Variants in FDFT1 observed in about 807,000 individuals in gnomAD.
The protein encoded by FDFT1 is farnesyl-diphosphate farnesyltransferase 1, also known as squalene synthase.
A neutral mutation model predicts 46.8 loss-of-function variants in FDFT1; 68 were observed. The ratio of observed to expected loss-of-function variants is 1.45; its 90% confidence interval spans 1.19 to 1.78. The LOEUF (loss-of-function observed/expected upper bound fraction) is 1.78. Among genes scored for constraint, FDFT1 ranks in the 40% most tolerant of loss-of-function variants. The probability of loss-of-function intolerance (pLI) is 0.00; values close to 1 mark genes in which losing one functional copy is unlikely to be tolerated. For missense variants in FDFT1, 928 were observed against 524.4 expected (o/e 1.77, Z -7.52); for synonymous variants, 351 against 185.1 (o/e 1.90, Z -7.28).
chr8:11,835,112 A>T (rs532816657), intron 7 of FDFT1, among the ~76,000 whole-genome samples: 5 of 152,338 alleles, frequency 3.3e-5, no homozygotes, highest in Admixed American at 3.3e-4. Context: ...CAACAGGGTG[A>T]AGGCCCTTTC....
intron 7 of FDFT1, among the ~76,000 whole-genome samples, chr8:11,836,276 C>T (rs189291828): frequency 9.8e-5 from 15 of 152,288 alleles, no homozygotes; most frequent in Admixed American, 5.2e-4. Flanking sequence ...AGGTCATTTA[C>T]AAGAGTAGTG....
chr8:11,805,691 A>G (rs979724532), intron 1 of FDFT1, among the ~76,000 whole-genome samples: 4 of 152,252 alleles, frequency 2.6e-5, no homozygotes, highest in African/African-American at 4.8e-5. Flanking sequence ...CTTGGCAGCA[A>G]AACCTGACTT....
At chr8:11,810,130 G>T (rs193057964) in intron 3 of FDFT1, among the ~76,000 whole-genome samples, 1 of 152,242 alleles carries the variant, frequency 6.6e-6, no homozygotes, top group East Asian at 1.9e-4. Context: ...CTACCTCATG[G>T]TATTCTGAGG....
chr8:11,827,546 A>G (rs993376653), intron 5 of FDFT1, among the ~76,000 whole-genome samples: 6 of 152,084 alleles, frequency 3.9e-5, no homozygotes, highest in Non-Finnish European at 7.4e-5. Context: ...GAGGGAAACA[A>G]TATTTGCAAT....
chr8:11,838,632 A>C lies in FDFT1; in HGVS notation c.*23A>C, dbSNP rs1811899420. ...TGATCCCAAATTTGTCCATAGCTGA[A>C]GTCCACCATAAAGTGGATTTACTTT... On this transcript the variant is annotated 3_prime_UTR_variant, in exon 8 of 8. Coordinates refer to ENST00000220584, the MANE Select transcript of FDFT1 (RefSeq NM_004462.5). 3.9e-6 allele frequency: 6 copies of C among 1,551,464 alleles called. No homozygotes were observed. The highest frequency in any genetic ancestry group is 2.7e-5 in the African/African-American group (2 of 73,736).
Position 11,836,152 on chromosome 8 carries a change from T to TAA in FDFT1, c.1033-2222_1033-2221dup, listed in dbSNP as rs34824501. Among the ~76,000 whole-genome samples the TAA allele has an allele frequency of 7.7e-3, 1,109 of 143,610 alleles. 12 individuals are homozygous for TAA. The highest frequency in any genetic ancestry group is 0.019 in the South Asian group (87 of 4,472). The allele number at this position is 143,610 out of a possible 152,430, so 94.2% of individuals were successfully genotyped here. On this transcript the variant is annotated intron_variant, in intron 7 of 7. Coordinates refer to ENST00000220584, the MANE Select transcript of FDFT1 (RefSeq NM_004462.5). ...TGGGTGACAGAGCGAGACACCATCT[T>TAA]AAAAAAAAAAAAAAATCTACAATAT...
At chr8:11,830,144 C>T (rs1046204412) in intron 5 of FDFT1, 100 bp from the exon 6 acceptor site, 1 of 1,008,060 alleles carries the variant, frequency 9.9e-7, no homozygotes, top group Non-Finnish European at 1.6e-6. Flanking sequence ...CGGCGCCCAG[C>T]CTGTATCATA....
intron 1 of FDFT1, chr8:11,796,079 T>C (rs930975797): frequency 3.3e-5 from 5 of 152,218 alleles, no homozygotes; most frequent in Non-Finnish European, 5.9e-5. Context: ...ACGGGGGATT[T>C]AACATAGATT....
chr8:11,835,127 ACCC>A (rs1563345434), intron 7 of FDFT1, among the ~76,000 whole-genome samples: 1 of 152,074 alleles, frequency 6.6e-6, no homozygotes, highest in Non-Finnish European at 1.5e-5. Flanking sequence ...CCTTTCTCAA[ACCC>A]CTCAAGTATT....
chr8:11,810,419 G>A (rs1357085082), intron 3 of FDFT1, among the ~76,000 whole-genome samples: 1 of 152,186 alleles, frequency 6.6e-6, no homozygotes, highest in Non-Finnish European at 1.5e-5. Flanking sequence ...GCTAGGGCGA[G>A]CCTCTGCCAC....
rs185038973 is a variant in FDFT1 at position 11,803,329 on chromosome 8, C to A, written c.99+398C>A. On this transcript the variant is annotated intron_variant, in intron 1 of 7. Coordinates refer to ENST00000220584, the MANE Select transcript of FDFT1 (RefSeq NM_004462.5). The stretch of plus-strand genomic sequence containing the variant: ...GCGGAATGAACTATGCAGATAACAT[C>A]ACATGAAGGCCGTTTCTGGAATGAA... The A allele has an allele frequency of 3.9e-6, 5 of 1,294,444 alleles. No individual in the cohort carries two copies. The Admixed American group carries it at 1.1e-4, about 30-fold the overall frequency. 80.2% of individuals were successfully genotyped at this position (1,294,444 alleles called of 1,614,324 possible).
intron 7 of FDFT1, among the ~76,000 whole-genome samples, chr8:11,834,405 AAAGTGAATTCCTTGGC>A (rs1811262563): frequency 2.6e-5 from 4 of 152,230 alleles, no homozygotes; most frequent in African/African-American, 9.6e-5. Context: ...CCTCTCTGCC[AAAGTGAATTCCTTGGC>A]AGGGAGAATC....
chr8:11,838,027 G>A (rs1009349629), intron 7 of FDFT1, among the ~76,000 whole-genome samples: 2 of 152,052 alleles, frequency 1.3e-5, no homozygotes, highest in African/African-American at 4.8e-5. Context: ...TTTCCCTTTC[G>A]TCATGTTAGT....
upstream of FDFT1, chr8:11,801,957 G>A (rs1013195626): frequency 6.6e-6 from 3 of 455,472 alleles, no homozygotes; most frequent in African/African-American, 4.0e-5. Flanking sequence ...CCAAAGTGTT[G>A]CGATTACAGG....
intron 5 of FDFT1, among the ~76,000 whole-genome samples, chr8:11,829,866 G>T (rs565601502): frequency 6.7e-5 from 10 of 150,062 alleles, no homozygotes; most frequent in Non-Finnish European, 1.2e-4. Context: ...TTTTGTTTTT[G>T]TGACGGAGTC....
intron 7 of FDFT1, among the ~76,000 whole-genome samples, chr8:11,835,775 G>A (rs1188394661): frequency 2.0e-5 from 3 of 152,096 alleles, no homozygotes; most frequent in Non-Finnish European, 2.9e-5. Flanking sequence ...TGGTGCTGAT[G>A]TTATCATCCT....
At chr8:11,835,269 A>G (rs932444623) in intron 7 of FDFT1, among the ~76,000 whole-genome samples, 4 of 152,180 alleles carry the variant, frequency 2.6e-5, no homozygotes, top group African/African-American at 9.7e-5. Flanking sequence ...GCAGAAACCT[A>G]CTGTGTGCCT....
rs192937472 is a variant in FDFT1, at chr8:11,827,428, G to C, written c.702+1213G>C. On this transcript the variant is annotated intron_variant, in intron 5 of 7. Coordinates refer to ENST00000220584, the MANE Select transcript of FDFT1 (RefSeq NM_004462.5). ...AGGTATTCGGGAGGCTAAGGCACAA[G>C]GATCCCTTGAGCGCAGGAGCTCAAG... Among the ~76,000 whole-genome samples, 58 of 152,000 alleles carry C rather than the reference G, an allele frequency of 3.8e-4. 2 individuals carry two copies. The highest frequency in any genetic ancestry group is 3.1e-3 in the Admixed American group (48 of 15,274).
chr8:11,817,305 A>G (rs945158125), intron 3 of FDFT1, among the ~76,000 whole-genome samples: 1 of 152,250 alleles, frequency 6.6e-6, no homozygotes, highest in Non-Finnish European at 1.5e-5. Flanking sequence ...ATCAACGTTC[A>G]TCAGGGATAT....
Sources: allele counts gnomAD v4.1 joint callset (sites outside exome capture counted in the v4.1 genomes callset), GRCh38; gene constraint gnomAD v4.1.1; transcripts MANE v1.5; gene names NCBI Gene and HGNC (gene_info 2026-07-23, HGNC 2026-07-21).